The following CREB3L2 variants were observed in gnomAD, a reference collection of about 807,000 sequenced individuals.
CREB3L2 encodes cyclic AMP-responsive element-binding protein 3-like protein 2.
CREB3L2 carries 23 observed loss-of-function variants against 57.2 expected under a neutral mutation model. That is an observed-to-expected ratio of 0.40 (90% CI 0.29 to 0.57). The LOEUF is 0.57. Among genes scored for constraint, CREB3L2 ranks in the 20% least tolerant of loss-of-function variants. The probability of loss-of-function intolerance (pLI) is 0.42; values close to 1 mark genes in which losing one functional copy is unlikely to be tolerated. For missense variants in CREB3L2, 628 were observed against 634.7 expected, an observed-to-expected ratio of 0.99 and a Z score of 0.11; for synonymous variants, 268 against 265.1, an observed-to-expected ratio of 1.01 and a Z score of -0.11.
At chr7:137,922,384 GTATATATATATATATATA>G (rs1175503933) in intron 2 of CREB3L2, among the ~76,000 whole-genome samples, 3 of 19,598 alleles carry the variant, frequency 1.5e-4, no homozygotes, top group Admixed American at 8.0e-4. Context: ...ATATATATAT[GTATATATATATATATATA>G]TATATATATA....
intron 1 of CREB3L2, among the ~76,000 whole-genome samples, chr7:138,000,421 G>T (rs1418844581): frequency 1.3e-5 from 2 of 152,084 alleles, no homozygotes; most frequent in Non-Finnish European, 2.9e-5. Context: ...GCCCCAGCAT[G>T]AACTACCACT....
At position 137,928,350 on chromosome 7, in the gene CREB3L2, A is replaced by G. The variant is rs1310411894; in HGVS notation, c.119T>C (p.Leu40Pro). The change falls in exon 2 of 12, where the codon CTG (leucine) becomes CCG (proline). Residue 40 changes from leucine to proline, a missense_variant. By Grantham distance (98) the Leu-to-Pro change is moderately conservative (BLOSUM62 -3). This residue lies in a region of CREB3L2 where 339 missense variants were observed against 355.4 expected (regional missense o/e 0.95). Transcript: ENST00000330387. ...LMYHTHFSEL[L>P]DEFSQNVLGQ... ...CAAGACGTTCTGGGAAAACTCATCC[A>G]GAAGTTCTGAGAAGTGCTACAAGAA... 6.2e-7 allele frequency: 1 copy of G among 1,613,680 alleles called. No individual in the cohort carries two copies. The highest frequency in any genetic ancestry group is 8.5e-7 in the Non-Finnish European group (1 of 1,179,826).
At chr7:137,984,409 C>T (rs1346538103) in intron 1 of CREB3L2, among the ~76,000 whole-genome samples, 2 of 152,178 alleles carry the variant, frequency 1.3e-5, no homozygotes, top group South Asian at 2.1e-4. Flanking sequence ...TGCTTTGCCC[C>T]GTCACTTTCT....
chr7:137,948,845 T>C (rs773286700), intron 1 of CREB3L2, among the ~76,000 whole-genome samples: 13 of 152,174 alleles, frequency 8.5e-5, no homozygotes, highest in Non-Finnish European at 1.3e-4. Context: ...CTGCACAACA[T>C]AATGAACAAC....
At position 137,877,249 on chromosome 7, in the gene CREB3L2, T is replaced by C. The variant is rs1256184537; in HGVS notation, c.*3227A>G. The C allele has an allele frequency of 4.4e-6, 1 of 226,252 alleles. No individual in the cohort carries two copies. Among genetic ancestry groups the C allele is most frequent in the Non-Finnish European group, 8.8e-6 (1 of 113,696 alleles). 14.0% of individuals were successfully genotyped at this position (226,252 alleles called of 1,614,324 possible). A position where few individuals can be genotyped will look rare whatever the true frequency, so the allele number is the denominator to read the frequency against. ...TAAACTAAAAGCTGCTTTCACAATC[T>C]ACAAATTAGGCCTCCAAATCAAAAT... On this transcript the variant is annotated 3_prime_UTR_variant, in exon 12 of 12. Coordinates refer to ENST00000330387, the MANE Select transcript of CREB3L2 (RefSeq NM_194071.4).
chr7:137,926,911 C>T (rs187248946), intron 2 of CREB3L2, among the ~76,000 whole-genome samples: 78 of 152,228 alleles, frequency 5.1e-4, no homozygotes, highest in Non-Finnish European at 1.0e-3. Flanking sequence ...CACTTGGGGA[C>T]GCTGTGGAGG....
chr7:137,966,018 G>A (rs1295044210), intron 1 of CREB3L2, among the ~76,000 whole-genome samples: 1 of 152,170 alleles, frequency 6.6e-6, no homozygotes, highest in Non-Finnish European at 1.5e-5. Flanking sequence ...CGTATGCTTT[G>A]CTGGTCCATA....
chr7:137,967,197 T>C (rs552408941), intron 1 of CREB3L2, among the ~76,000 whole-genome samples: 1 of 152,350 alleles, frequency 6.6e-6, no homozygotes, highest in South Asian at 2.1e-4. Context: ...GCTGGCACAC[T>C]GATCTCAGAC....
intron 8 of CREB3L2, among the ~76,000 whole-genome samples, chr7:137,899,069 A>AAAAGAAAG (rs1319282414): frequency 1.3e-4 from 6 of 46,510 alleles, no homozygotes; most frequent in East Asian, 6.8e-4. Flanking sequence ...AAGAAAGAGA[A>AAAAGAAAG]AGAAAGAAAA....
At chr7:137,945,183 C>G (rs1164828576) in intron 1 of CREB3L2, among the ~76,000 whole-genome samples, 1 of 152,210 alleles carries the variant, frequency 6.6e-6, no homozygotes, top group African/African-American at 2.4e-5. Context: ...GCGTGAGCCA[C>G]CACGCCCAGC....
At chr7:137,968,824 T>G (rs274015) in intron 1 of CREB3L2, among the ~76,000 whole-genome samples, 110,278 of 152,110 alleles carry the variant, frequency 0.72, 40,105 homozygotes, top group East Asian at 0.83. Flanking sequence ...GCTCCCACCT[T>G]CAACCCCATT....
chr7:137,957,515 C>T (rs1801240519), intron 1 of CREB3L2, among the ~76,000 whole-genome samples: 1 of 152,152 alleles, frequency 6.6e-6, no homozygotes, highest in Non-Finnish European at 1.5e-5. Context: ...CCAAGTCCTC[C>T]TTCACCCTAG....
intron 1 of CREB3L2, among the ~76,000 whole-genome samples, chr7:137,951,444 T>C (rs1481789651): frequency 6.6e-6 from 1 of 152,170 alleles, no homozygotes; most frequent in African/African-American, 2.4e-5. Context: ...AAAAATGTAA[T>C]CAGACACCCG....
At chr7:137,969,733 T>C (rs920675035) in intron 1 of CREB3L2, among the ~76,000 whole-genome samples, 2 of 148,976 alleles carry the variant, frequency 1.3e-5, no homozygotes, top group African/African-American at 5.1e-5. Context: ...AATGTCATAA[T>C]GTCTCAACTA....
At chr7:137,931,097 TG>T (rs1238980506) in intron 1 of CREB3L2, among the ~76,000 whole-genome samples, 1 of 151,696 alleles carries the variant, frequency 6.6e-6, no homozygotes, top group Non-Finnish European at 1.5e-5. Context: ...CCAGGCATGG[TG>T]GTGCACGCCT....
At chr7:137,938,310 C>T (rs1210824984) in intron 1 of CREB3L2, among the ~76,000 whole-genome samples, 1 of 152,116 alleles carries the variant, frequency 6.6e-6, no homozygotes, top group Non-Finnish European at 1.5e-5. Context: ...CGATTTTGCT[C>T]TGAACCTCAA....
chr7:137,899,162 A>T (rs1357466276), intron 8 of CREB3L2, among the ~76,000 whole-genome samples: 1 of 128,016 alleles, frequency 7.8e-6, no homozygotes, highest in East Asian at 2.6e-4. Flanking sequence ...GGAAGGAAGG[A>T]AGGAAGGAAC....
chr7:137,979,649 C>T (rs908508042), intron 1 of CREB3L2, among the ~76,000 whole-genome samples: 5 of 152,144 alleles, frequency 3.3e-5, no homozygotes, highest in African/African-American at 1.2e-4. Flanking sequence ...TGGCGTGAAC[C>T]CGAGAGGCGG....
At chr7:137,941,220 G>A (rs147200382) in intron 1 of CREB3L2, among the ~76,000 whole-genome samples, 1 of 152,314 alleles carries the variant, frequency 6.6e-6, no homozygotes, top group Non-Finnish European at 1.5e-5. Context: ...ACTAGAAAAT[G>A]AGAAATCCAA....
Sources: gnomAD v4.1 joint callset for allele counts (sites outside exome capture counted in the v4.1 genomes callset) on GRCh38, gnomAD v4.1.1 for gene constraint, gnomAD v4.1.1 regional missense constraint, MANE v1.5 for transcripts, NCBI Gene and HGNC (gene_info 2026-07-23, HGNC 2026-07-21) for gene names.